SEMA4D: variants seen among roughly 807,000 people sequenced by gnomAD.
The protein encoded by SEMA4D is semaphorin 4D.
In SEMA4D, 22 loss-of-function variants were observed where a neutral mutation model predicts 74.8. The ratio of observed to expected loss-of-function variants is 0.29; its 90% CI spans 0.21 to 0.42. The LOEUF (loss-of-function observed/expected upper bound fraction) is 0.42. Among genes scored for constraint, SEMA4D ranks in the 10% least tolerant of loss-of-function variants. The pLI, the probability that SEMA4D is intolerant of heterozygous loss-of-function variation, is 1.00. For synonymous variants in SEMA4D, 445 were observed against 463.7 expected (o/e 0.96, Z 0.52); for missense variants, 937 against 1,118.4 (o/e 0.84, Z 2.31).
chr9:89,451,166 A>T (rs1420691825), intron 2 of SEMA4D, among the ~76,000 whole-genome samples: 1 of 152,140 alleles, frequency 6.6e-6, no homozygotes, highest in African/African-American at 2.4e-5. Context: ...GCATTTTTCC[A>T]TCTATTTGGG....
intron 13 of SEMA4D, chr9:89,384,701 G>C: frequency 1.0e-6 from 1 of 985,450 alleles, no homozygotes; most frequent in South Asian, 4.7e-5. Context: ...GGGGAGAGGA[G>C]GTGAGGGTGG....
exon 19 of SEMA4D, chr9:89,361,529 A>G (rs548922966): frequency 6.6e-6 from 1 of 152,382 alleles, no homozygotes; most frequent in South Asian, 2.1e-4. Context: ...ACAGTGACAC[A>G]GTCTTCAGAG....
chr9:89,403,112 C>T, intron 3 of SEMA4D, 96 bp from the exon 4 acceptor site: 1 of 1,402,378 alleles, frequency 7.1e-7, no homozygotes, highest in Non-Finnish European at 9.8e-7. Context: ...GTCTCAGTGA[C>T]AATGAGCACG....
At chr9:89,433,231 C>T (rs1275317698) in intron 2 of SEMA4D, among the ~76,000 whole-genome samples, 1 of 151,730 alleles carries the variant, frequency 6.6e-6, no homozygotes, top group Non-Finnish European at 1.5e-5. Flanking sequence ...CAGTGACCCC[C>T]TGAGGCTGCC....
At chr9:89,428,634 A>C (rs1294046438) in intron 2 of SEMA4D, among the ~76,000 whole-genome samples, 1 of 152,176 alleles carries the variant, frequency 6.6e-6, no homozygotes, top group Non-Finnish European at 1.5e-5. Flanking sequence ...GCCAGCTCCC[A>C]GCCACTCTGC....
At chr9:89,370,114 T>C (rs1411986109) in intron 16 of SEMA4D, among the ~76,000 whole-genome samples, 3 of 151,914 alleles carry the variant, frequency 2.0e-5, no homozygotes, top group Non-Finnish European at 1.5e-5. Context: ...GTACAGTGTG[T>C]GTGTGTGGTG....
chr9:89,488,007 T>C (rs1825323846), intron 1 of SEMA4D, among the ~76,000 whole-genome samples: 1 of 152,074 alleles, frequency 6.6e-6, no homozygotes, highest in African/African-American at 2.4e-5. Flanking sequence ...CTTAAGTATA[T>C]AAGAAAATGC....
chr9:89,476,672 T>C (rs1441164044), intron 1 of SEMA4D, among the ~76,000 whole-genome samples: 2 of 152,190 alleles, frequency 1.3e-5, no homozygotes, highest in African/African-American at 2.4e-5. Flanking sequence ...TTCCTTGTAA[T>C]GTCTACACAC....
intron 2 of SEMA4D, among the ~76,000 whole-genome samples, chr9:89,421,905 T>C (rs1444261103): frequency 1.3e-5 from 2 of 152,210 alleles, no homozygotes; most frequent in African/African-American, 2.4e-5. Context: ...TAGAGAGAAT[T>C]TGATCTGCAA....
chr9:89,410,543 T>A (rs1406365287), intron 2 of SEMA4D, among the ~76,000 whole-genome samples: 4 of 151,984 alleles, frequency 2.6e-5, no homozygotes, highest in Non-Finnish European at 5.9e-5. Context: ...ACTAAAGAGG[T>A]TTCCTAGAAG....
chr9:89,442,749 G>A (rs1432665556), intron 2 of SEMA4D, among the ~76,000 whole-genome samples: 1 of 152,174 alleles, frequency 6.6e-6, no homozygotes, highest in Non-Finnish European at 1.5e-5. Context: ...CCGTCCCAGA[G>A]AGGGATCAGC....
intron 2 of SEMA4D, among the ~76,000 whole-genome samples, chr9:89,454,755 C>T (rs1304786004): frequency 6.6e-6 from 1 of 152,218 alleles, no homozygotes; most frequent in Non-Finnish European, 1.5e-5. Context: ...TCCTGCACAG[C>T]ACAAGGACAT....
At position 89,381,932 on chromosome 9, in the gene SEMA4D, T is replaced by C. The variant is rs1382375544; in HGVS notation, c.1447-586A>G. ...GATGAGGAGATCGTGATACAAAACA[T>C]AAAAAAGGAACAATGCCTTTTGCTT... On this transcript the variant is annotated intron_variant, in intron 13 of 15. Coordinates refer to ENST00000422704, the MANE Select transcript of SEMA4D (RefSeq NM_001371194.2). This position sits in a 1 kb window ranked among gnomAD's most constrained non-coding sequence, Gnocchi z 4.6. 1 of 152,226 alleles carries C rather than the reference T, an allele frequency of 6.6e-6. No homozygotes were observed. The highest frequency in any genetic ancestry group is 6.5e-5 in the Admixed American group (1 of 15,284). The allele number at this position is 152,226 out of a possible 1,614,324, so 9.4% of individuals were successfully genotyped here.
At position 89,378,159 on chromosome 9, in the gene SEMA4D, C is replaced by T. The variant is rs1390045268; in HGVS notation, c.*545G>A. 4.6e-5 allele frequency: 7 copies of T among 152,770 alleles called. No individual in the cohort carries two copies. The highest frequency in any genetic ancestry group is 7.3e-5 in the Non-Finnish European group (5 of 68,384). 9.5% of individuals were successfully genotyped at this position (152,770 alleles called of 1,614,324 possible). Reference sequence around the variant, plus strand: ...ATATACATCTTCTTCTAAATATTAACACAACTGCTTCTGTAACTAAAAAAA... The same window carrying T: ...ATATACATCTTCTTCTAAATATTAATACAACTGCTTCTGTAACTAAAAAAA... On this transcript the variant is annotated 3_prime_UTR_variant, in exon 16 of 16. Coordinates refer to ENST00000422704, the MANE Select transcript of SEMA4D (RefSeq NM_001371194.2).
At chr9:89,370,731 TGTG>T (rs1055081011) in intron 16 of SEMA4D, among the ~76,000 whole-genome samples, 21 of 143,306 alleles carry the variant, frequency 1.5e-4, no homozygotes, top group South Asian at 4.5e-4. Context: ...GTTTGTGGGG[TGTG>T]GTGTGTGTGT....
chr9:89,381,622 T>G lies in SEMA4D; in HGVS notation c.1447-276A>C. 2.9e-6 allele frequency: 1 copy of G among 340,948 alleles called. No individual in the cohort carries two copies. 21.1% of individuals were successfully genotyped at this position (340,948 alleles called of 1,614,324 possible). A position where few individuals can be genotyped will look rare whatever the true frequency, so the allele number is the denominator to read the frequency against. On this transcript the variant is annotated intron_variant, in intron 13 of 15. Coordinates refer to ENST00000422704, the MANE Select transcript of SEMA4D (RefSeq NM_001371194.2). The surrounding 1 kb of genome is among the most constrained non-coding windows in gnomAD (Gnocchi z 4.6). The stretch of plus-strand genomic sequence containing the variant: ...AGGTGCCTGCCCTCCAGCAAAGCGC[T>G]TCTCTGCACGTGTTTCTCTTAGCCA...
At chr9:89,392,193 G>A (rs1840011312) in intron 8 of SEMA4D, among the ~76,000 whole-genome samples, 1 of 152,040 alleles carries the variant, frequency 6.6e-6, no homozygotes, top group African/African-American at 2.4e-5. Flanking sequence ...CATTTTTGGG[G>A]GGTTAGTGGG....
intron 2 of SEMA4D, among the ~76,000 whole-genome samples, chr9:89,423,788 T>C (rs185260787): frequency 3.4e-4 from 26 of 76,260 alleles, no homozygotes; most frequent in East Asian, 1.6e-3. Context: ...ACTCCCTCAG[T>C]GCCTCCCCTC....
chr9:89,480,682 G>A (rs964202166), intron 1 of SEMA4D, among the ~76,000 whole-genome samples: 5 of 152,220 alleles, frequency 3.3e-5, no homozygotes, highest in Admixed American at 6.5e-5. Context: ...CCCATTGCCC[G>A]GGGCCAGAAG....
Sources: allele counts gnomAD v4.1 joint callset (sites outside exome capture counted in the v4.1 genomes callset), GRCh38; gene constraint gnomAD v4.1.1; non-coding constraint Gnocchi (gnomAD v3.1); transcripts MANE v1.5; gene names NCBI Gene and HGNC (gene_info 2026-07-23, HGNC 2026-07-21).